Variants in EXOC6B observed in about 807,000 individuals in gnomAD.
EXOC6B encodes the protein exocyst complex component 6B.
Under a neutral mutation model 113.5 loss-of-function variants are expected in EXOC6B, and 54 were observed. The observed-to-expected ratio is 0.48, with a 90% CI of 0.38 to 0.60. EXOC6B has a LOEUF of 0.60. Ranked by LOEUF, EXOC6B falls within the 20% of genes least tolerant of loss-of-function variation. EXOC6B has a pLI of 0.00. For missense variants in EXOC6B, 797 were observed against 977.5 expected (o/e 0.82, Z 2.46); for synonymous variants, 357 against 339.0 (o/e 1.05, Z -0.58).
At chr2:72,331,988 C>T (rs11891573) in intron 20 of EXOC6B, among the ~76,000 whole-genome samples, 33,152 of 151,986 alleles carry the variant, frequency 0.22, 6,992 homozygotes, top group African/African-American at 0.56. Flanking sequence ...ATTTTGAATA[C>T]TTTAAAATTA....
At position 72,176,902 on chromosome 2, in the gene EXOC6B, A is replaced by G. The variant is rs920714276; in HGVS notation, c.*2433T>C. 5.9e-5 allele frequency: 9 copies of G among 152,182 alleles called. No homozygotes were observed. Among genetic ancestry groups the G allele is most frequent in the African/African-American group, 1.9e-4 (8 of 41,448 alleles). 9.4% of individuals were successfully genotyped at this position (152,182 alleles called of 1,614,324 possible). A position where few individuals can be genotyped will look rare whatever the true frequency, so the allele number is the denominator to read the frequency against. On this transcript the variant is annotated 3_prime_UTR_variant, in exon 22 of 22. Coordinates refer to ENST00000272427, the MANE Select transcript of EXOC6B (RefSeq NM_015189.3). ...TCTGAGGAGTCTGATGGGTCTGGGC[A>G]CACATGCTTTGCACAAGTCCTCTCA...
intron 20 of EXOC6B, among the ~76,000 whole-genome samples, chr2:72,262,485 T>C (rs1300196319): frequency 6.6e-6 from 1 of 152,128 alleles, no homozygotes; most frequent in Non-Finnish European, 1.5e-5. Context: ...CATACCACCC[T>C]GAATGCACCC....
chr2:72,510,407 G>A (rs1019845292), intron 11 of EXOC6B, among the ~76,000 whole-genome samples: 8 of 150,620 alleles, frequency 5.3e-5, no homozygotes, highest in African/African-American at 9.8e-5. Flanking sequence ...CATGTGTAAG[G>A]ACATGGTTAT....
chr2:72,256,149 C>T (rs898978427), intron 20 of EXOC6B, among the ~76,000 whole-genome samples: 3 of 152,112 alleles, frequency 2.0e-5, no homozygotes, highest in Non-Finnish European at 4.4e-5. Flanking sequence ...TAATACAAAG[C>T]CACAAACCAG....
At chr2:72,198,535 TAAGA>T (rs1183642026) in intron 20 of EXOC6B, among the ~76,000 whole-genome samples, 2 of 152,182 alleles carry the variant, frequency 1.3e-5, no homozygotes. Flanking sequence ...TAGATGTGAA[TAAGA>T]AAGTAAATAA....
At chr2:72,746,028 G>A (rs944146458) in intron 1 of EXOC6B, among the ~76,000 whole-genome samples, 5 of 152,058 alleles carry the variant, frequency 3.3e-5, no homozygotes, top group South Asian at 2.1e-4. Flanking sequence ...AAACAGGACC[G>A]CTTAAAAATC....
At chr2:72,814,957 C>T (rs1317950399) in intron 1 of EXOC6B, among the ~76,000 whole-genome samples, 1 of 152,192 alleles carries the variant, frequency 6.6e-6, no homozygotes, top group Admixed American at 6.5e-5. Flanking sequence ...TGCCACTGCA[C>T]TCCAGCCTGG....
intron 6 of EXOC6B, among the ~76,000 whole-genome samples, chr2:72,640,730 T>C (rs1444359185): frequency 6.6e-6 from 1 of 152,156 alleles, no homozygotes; most frequent in Admixed American, 6.5e-5. Flanking sequence ...CAATATTGAA[T>C]GTTGAATGCA....
Position 72,733,127 on chromosome 2 carries a change from A to G in EXOC6B, c.280-9T>C. On this transcript the variant is annotated splice_polypyrimidine_tract_variant and intron_variant, in intron 2 of 21. Coordinates refer to ENST00000272427, the MANE Select transcript of EXOC6B (RefSeq NM_015189.3). Reference sequence around the variant, plus strand: ...GTATCCGTCACTTGATTCTGTGGAGAGAAGACAATTTAAACTCATAAAAAA... The same window carrying G: ...GTATCCGTCACTTGATTCTGTGGAGGGAAGACAATTTAAACTCATAAAAAA... 1 of 1,579,290 alleles carries G rather than the reference A, an allele frequency of 6.3e-7. No individual in the cohort carries two copies. The highest frequency in any genetic ancestry group is 8.6e-7 in the Non-Finnish European group (1 of 1,157,546).
rs879633004 is a variant in EXOC6B at position 72,762,543 on chromosome 2, GA to G, written c.114-21075del. Among the ~76,000 whole-genome samples the G allele has an allele frequency of 7.2e-3, 1,060 of 146,774 alleles. 15 individuals carry two copies. The highest frequency in any genetic ancestry group is 0.023 in the African/African-American group (942 of 40,214). ...GAAAGATACCTGTAAAGTGCTAAAG[GA>G]AAAAAAAAAATTGTAAATCAAGAAT... On this transcript the variant is annotated intron_variant, in intron 1 of 21. Transcript: ENST00000272427.
At chr2:72,223,303 G>A (rs937916015) in intron 20 of EXOC6B, among the ~76,000 whole-genome samples, 1 of 152,160 alleles carries the variant, frequency 6.6e-6, no homozygotes, top group East Asian at 1.9e-4. Flanking sequence ...CTTAGACTTT[G>A]GGAAAGTGAG....
chr2:72,384,408 G>T (rs983505609), intron 18 of EXOC6B, among the ~76,000 whole-genome samples: 1 of 152,018 alleles, frequency 6.6e-6, no homozygotes, highest in African/African-American at 2.4e-5. Flanking sequence ...TATAGCTAAT[G>T]TCATACACAA....
At chr2:72,197,782 A>T (rs1572982630) in intron 20 of EXOC6B, among the ~76,000 whole-genome samples, 2 of 152,154 alleles carry the variant, frequency 1.3e-5, no homozygotes, top group African/African-American at 4.8e-5. Context: ...GCCTTTAGAG[A>T]CCAGGCACAC....
chr2:72,562,054 C>G (rs921130547), intron 7 of EXOC6B, among the ~76,000 whole-genome samples: 2 of 152,138 alleles, frequency 1.3e-5, no homozygotes, highest in African/African-American at 4.8e-5. Flanking sequence ...CTATGCTCCC[C>G]TCTGTGAAGA....
At chr2:72,603,479 C>T (rs1325718739) in intron 6 of EXOC6B, among the ~76,000 whole-genome samples, 1 of 152,064 alleles carries the variant, frequency 6.6e-6, no homozygotes, top group Non-Finnish European at 1.5e-5. Context: ...AAGAAAAAGC[C>T]TACAACTGCA....
At chr2:72,431,693 A>C (rs1695544050) in intron 18 of EXOC6B, among the ~76,000 whole-genome samples, 1 of 152,018 alleles carries the variant, frequency 6.6e-6, no homozygotes, top group Non-Finnish European at 1.5e-5. Flanking sequence ...ACATATGCAG[A>C]ATGTACAGGT....
intron 6 of EXOC6B, among the ~76,000 whole-genome samples, chr2:72,592,900 G>T (rs1163029816): frequency 2.0e-5 from 3 of 152,136 alleles, no homozygotes; most frequent in Non-Finnish European, 4.4e-5. Context: ...ACTCTTCGCA[G>T]ATAGGGGCTG....
chr2:72,327,243 T>G (rs775670195), intron 20 of EXOC6B, among the ~76,000 whole-genome samples: 1 of 152,032 alleles, frequency 6.6e-6, no homozygotes, highest in Non-Finnish European at 1.5e-5. Context: ...CTTACATTGC[T>G]ACTAAGTGGG....
At chr2:72,728,039 A>G (rs191297762) in intron 5 of EXOC6B, among the ~76,000 whole-genome samples, 6 of 152,282 alleles carry the variant, frequency 3.9e-5, no homozygotes, top group Admixed American at 3.9e-4. Flanking sequence ...TCATTTCACA[A>G]TCACGAGAGA....
Sources: gnomAD v4.1 joint callset for allele counts (sites outside exome capture counted in the v4.1 genomes callset) on GRCh38, gnomAD v4.1.1 for gene constraint, MANE v1.5 for transcripts, NCBI Gene and HGNC (gene_info 2026-07-23, HGNC 2026-07-21) for gene names.